The following LRP5 variants were observed in gnomAD, a reference collection of about 807,000 sequenced individuals.
The protein encoded by LRP5 is low-density lipoprotein receptor-related protein 5.
LRP5 carries 62 observed loss-of-function variants against 154.1 expected under a neutral mutation model. That is an observed-to-expected ratio of 0.40 (90% CI 0.33 to 0.50). LRP5 has a LOEUF of 0.50. LRP5 is among the 20% of genes least tolerant of loss of function. The probability of loss-of-function intolerance (pLI) is 0.55; values close to 1 mark genes in which losing one functional copy is unlikely to be tolerated. For synonymous variants in LRP5, 966 were observed against 1,011.5 expected (o/e 0.96, Z 0.85); for missense variants, 1,915 against 2,336.7 (o/e 0.82, Z 3.72).
rs549579496 is a variant in LRP5 at position 68,357,736 on chromosome 11, C to T, written c.575C>T (p.Ser192Leu). 7.4e-6 allele frequency: 12 copies of T among 1,614,134 alleles called. No homozygotes were observed. Among genetic ancestry groups the T allele is most frequent in the East Asian group, 2.2e-5 (1 of 44,880 alleles). The change falls in exon 3 of 23, where the codon TCG (serine) becomes TTG (leucine). Residue 192 changes from serine to leucine, a missense_variant. Ser to Leu is a moderately radical substitution (Grantham distance 145). This residue lies in a region of LRP5 where 773 missense variants were observed against 1,100.9 expected (regional missense o/e 0.70). Coordinates refer to ENST00000294304, the MANE Select transcript of LRP5 (RefSeq NM_002335.4). ...AGCACCCGGAAGATCATTGTGGACTCGGACATTTACTGGCCCAATGGACTG... is the reference window on the plus strand; with the variant it reads ...AGCACCCGGAAGATCATTGTGGACTTGGACATTTACTGGCCCAATGGACTG... The part of the protein sequence containing the change: ...DGSTRKIIVD[S>L]DIYWPNGLTI...
At chr11:68,405,193 G>A (rs2098654926) in intron 8 of LRP5, among the ~76,000 whole-genome samples, 1 of 151,922 alleles carries the variant, frequency 6.6e-6, no homozygotes, top group Middle Eastern at 3.4e-3. Context: ...TATGCCAGGT[G>A]TGGTGGCTCA....
chr11:68,342,052 C>A (rs1216632668), intron 1 of LRP5, among the ~76,000 whole-genome samples: 1 of 151,176 alleles, frequency 6.6e-6, no homozygotes, highest in Admixed American at 6.6e-5. Context: ...AGGCTTTTCT[C>A]CTGAACTGTC....
upstream of LRP5, among the ~76,000 whole-genome samples, chr11:68,312,434 C>T (rs1266500852): frequency 2.0e-5 from 3 of 149,394 alleles, no homozygotes; most frequent in Admixed American, 6.7e-5. Context: ...CGGGGAGGGG[C>T]CGCGGGGACC....
At chr11:68,430,760 CT>C (rs1301932535) in intron 17 of LRP5, among the ~76,000 whole-genome samples, 3 of 152,192 alleles carry the variant, frequency 2.0e-5, no homozygotes, top group Non-Finnish European at 4.4e-5. Flanking sequence ...TGATCCTCTT[CT>C]CCCCCTAGGG....
At chr11:68,336,759 G>A (rs112640634) in intron 1 of LRP5, among the ~76,000 whole-genome samples, 9 of 152,278 alleles carry the variant, frequency 5.9e-5, no homozygotes, top group South Asian at 2.1e-4. Context: ...GTGAGCCACC[G>A]TGCCCGGCCT....
At chr11:68,331,348 G>A (rs769501261) in intron 1 of LRP5, among the ~76,000 whole-genome samples, 67 of 152,222 alleles carry the variant, frequency 4.4e-4, no homozygotes, top group South Asian at 2.1e-4. Context: ...AGGACTTTCC[G>A]GAGTAGCCAA....
chr11:68,361,403 A>G (rs2098628033), intron 3 of LRP5, among the ~76,000 whole-genome samples: 1 of 151,960 alleles, frequency 6.6e-6, no homozygotes, highest in Non-Finnish European at 1.5e-5. Flanking sequence ...TTGGGAGGCC[A>G]AGGCAGGTGG....
At chr11:68,383,672 G>T (rs1169550226) in intron 5 of LRP5, among the ~76,000 whole-genome samples, 2 of 152,238 alleles carry the variant, frequency 1.3e-5, no homozygotes, top group Non-Finnish European at 2.9e-5. Context: ...CTGTGCTGGG[G>T]GCTGTGGAGA....
At chr11:68,418,493 T>C (rs1428436630) in intron 13 of LRP5, among the ~76,000 whole-genome samples, 1 of 152,004 alleles carries the variant, frequency 6.6e-6, no homozygotes, top group Non-Finnish European at 1.5e-5. Flanking sequence ...CTTGGTACTT[T>C]CTTGAGGCAG....
chr11:68,372,385 T>C (rs56376531), intron 5 of LRP5, among the ~76,000 whole-genome samples: 563 of 7,322 alleles, frequency 0.077, no homozygotes, highest in African/African-American at 0.13. Flanking sequence ...GGGACCGTGG[T>C]GGTGTTGAGG....
In LRP5 at chr11:68,448,870, A is replaced by G; in HGVS notation, c.4648A>G (p.Ser1550Gly). The G allele has an allele frequency of 6.2e-7, 1 of 1,612,662 alleles. No individual in the cohort carries two copies. Among genetic ancestry groups the G allele is most frequent in the South Asian group, 1.1e-5 (1 of 91,070 alleles). The stretch of plus-strand genomic sequence containing the variant: ...GCCCTGCAGCACCGACGTGTGTGAC[A>G]GCGACTACAGCGCCAGCCGCTGGAA... Reference protein sequence around the residue: ...TTPCSTDVCDSDYSASRWKAS... With the variant: ...TTPCSTDVCDGDYSASRWKAS... The change falls in exon 23 of 23, where the codon AGC becomes GGC. Residue 1550 changes from serine (S) to glycine (G), a missense_variant. Ser to Gly is a moderately conservative substitution (Grantham distance 56). Transcript: ENST00000294304.
Position 68,376,151 on chromosome 11 carries a change from G to A in LRP5, c.1016-10165G>A, listed in dbSNP as rs922216236. 5.3e-5 allele frequency among the ~76,000 whole-genome samples: 8 copies of A among 150,132 alleles called. 1 individual carries two copies. In the South Asian group the frequency reaches 1.3e-3, roughly 24 times the overall value. The stretch of plus-strand genomic sequence containing the variant: ...CGTCCTGGGAGCTGTGTGAGGGGTC[G>A]TCCGTGGCTGGCCCTGCTTCTTTTT... On this transcript the variant is annotated intron_variant, in intron 5 of 22. Transcript: ENST00000294304.
rs763403461 is a variant in LRP5, at chr11:68,448,833, G to A, written c.4611G>A (p.Ala1537=). 1.9e-5 allele frequency: 30 copies of A among 1,608,302 alleles called. No homozygotes were observed. Among genetic ancestry groups the A allele is most frequent in the South Asian group, 7.7e-5 (7 of 91,070 alleles). The change falls in exon 23 of 23, where the codon GCG becomes GCA. Residue 1537 remains alanine (A), a synonymous_variant. Coordinates refer to ENST00000294304, the MANE Select transcript of LRP5 (RefSeq NM_002335.4). ...GGCCCTACATCATTCGAGGAATGGC[G>A]CCCCCGACGACGCCCTGCAGCACCG... The part of the protein sequence containing the change: ...PYRPYIIRGM[A]PPTTPCSTDV...
chr11:68,356,143 CT>C (rs35481601), intron 2 of LRP5, among the ~76,000 whole-genome samples: 6,431 of 133,176 alleles, frequency 0.048, 463 homozygotes, highest in African/African-American at 0.16. Context: ...CGCACCCAGC[CT>C]TTTTTTTTTT....
chr11:68,331,086 C>T (rs557427988), intron 1 of LRP5, among the ~76,000 whole-genome samples: 22 of 152,354 alleles, frequency 1.4e-4, no homozygotes, highest in African/African-American at 5.1e-4. Flanking sequence ...ACTAGGCTTC[C>T]TCACCGCAGG....
chr11:68,365,721 A>G lies in LRP5; in HGVS notation c.1015+19A>G, dbSNP rs1170115325. The G allele has an allele frequency of 6.1e-5, 3 of 49,294 alleles. No individual in the cohort carries two copies. Among genetic ancestry groups the G allele is most frequent in the African/African-American group, 5.9e-4 (2 of 3,378 alleles). The allele number at this position is 49,294 out of a possible 1,614,324, so 3.1% of individuals were successfully genotyped here. On this transcript the variant is annotated intron_variant, in intron 5 of 22. Coordinates refer to ENST00000294304, the MANE Select transcript of LRP5 (RefSeq NM_002335.4). Reference sequence around the variant, plus strand: ...AAGGCAGGTGAGGCGGTGGGACGGGACGGGGCGGGCGGGCGGGGCGGGGCC... The same window carrying G: ...AAGGCAGGTGAGGCGGTGGGACGGGGCGGGGCGGGCGGGCGGGGCGGGGCC...
intron 5 of LRP5, among the ~76,000 whole-genome samples, chr11:68,367,869 G>T (rs1333754111): frequency 6.6e-6 from 1 of 152,158 alleles, no homozygotes; most frequent in African/African-American, 2.4e-5. Flanking sequence ...TTCAAGACCA[G>T]CCTGGCCAAC....
intron 3 of LRP5, 84 bp downstream of exon 3, chr11:68,357,931 C>G: frequency 7.7e-7 from 1 of 1,294,916 alleles, no homozygotes; most frequent in Admixed American, 2.0e-5. Flanking sequence ...CTCAGGCCTA[C>G]AGACTCTTCT....
At chr11:68,397,069 G>A (rs748747295) in intron 7 of LRP5, among the ~76,000 whole-genome samples, 15 of 152,140 alleles carry the variant, frequency 9.9e-5, no homozygotes, top group African/African-American at 2.7e-4. Context: ...CTAGAGCCCC[G>A]GGGGTTGGAA....
Sources: allele counts gnomAD v4.1 joint callset (sites outside exome capture counted in the v4.1 genomes callset), GRCh38; gene constraint gnomAD v4.1.1; regional missense constraint gnomAD v4.1.1; transcripts MANE v1.5; gene names NCBI Gene and HGNC (gene_info 2026-07-23, HGNC 2026-07-21).